The following TMEM117 variants were observed in gnomAD, a reference collection of about 807,000 sequenced individuals.
TMEM117 encodes transmembrane protein 117.
A neutral mutation model predicts 52.4 loss-of-function variants in TMEM117; 27 were observed. That is an observed-to-expected ratio of 0.51 (90% CI 0.38 to 0.71). The LOEUF is 0.71. Among genes scored for constraint, TMEM117 ranks in the 30% least tolerant of loss-of-function variants. The pLI, the probability that TMEM117 is intolerant of heterozygous loss-of-function variation, is 0.00. For synonymous variants in TMEM117, 215 were observed against 206.3 expected (o/e 1.04, Z -0.36); for missense variants, 556 against 630.5 (o/e 0.88, Z 1.26).
chr12:43,958,227 T>C (rs1945340485), intron 3 of TMEM117, among the ~76,000 whole-genome samples: 1 of 152,232 alleles, frequency 6.6e-6, no homozygotes, highest in Non-Finnish European at 1.5e-5. Context: ...TATTTTCATA[T>C]TATAATGATA....
chr12:44,039,566 T>G (rs1946765037), intron 3 of TMEM117, among the ~76,000 whole-genome samples: 1 of 151,978 alleles, frequency 6.6e-6, no homozygotes, highest in South Asian at 2.1e-4. Flanking sequence ...TAGATAAATT[T>G]GTGATAAAGT....
chr12:44,119,948 A>C (rs1332112391), intron 3 of TMEM117, among the ~76,000 whole-genome samples: 1 of 152,092 alleles, frequency 6.6e-6, no homozygotes, highest in Admixed American at 6.6e-5. Context: ...GAGTCTAGGA[A>C]GTAGTATCTT....
At chr12:43,940,216 ATCT>A (rs1159703189) in intron 2 of TMEM117, among the ~76,000 whole-genome samples, 2 of 152,198 alleles carry the variant, frequency 1.3e-5, no homozygotes, top group East Asian at 3.9e-4. Flanking sequence ...CCCTCGGTCT[ATCT>A]GATCCCTGCT....
intron 5 of TMEM117, among the ~76,000 whole-genome samples, chr12:44,276,397 A>C (rs1393653349): frequency 6.6e-6 from 1 of 152,204 alleles, no homozygotes; most frequent in African/African-American, 2.4e-5. Flanking sequence ...TAGGCACAGT[A>C]ATACAAATAC....
intron 2 of TMEM117, among the ~76,000 whole-genome samples, chr12:43,940,518 A>G (rs1051933041): frequency 6.6e-6 from 1 of 151,984 alleles, no homozygotes. Context: ...TCTATTTTCC[A>G]CAACATATGT....
chr12:44,089,750 C>T (rs944313351), intron 3 of TMEM117, among the ~76,000 whole-genome samples: 3 of 152,150 alleles, frequency 2.0e-5, no homozygotes, highest in Non-Finnish European at 4.4e-5. Context: ...TAACCTTTTA[C>T]AGTAGGGGAT....
intron 3 of TMEM117, among the ~76,000 whole-genome samples, chr12:43,971,245 C>G (rs896522059): frequency 2.0e-4 from 30 of 152,104 alleles, no homozygotes; most frequent in African/African-American, 7.2e-4. Flanking sequence ...CAACAATTGC[C>G]CTTCCTAGTT....
At chr12:44,243,425 A>G (rs1163381701) in intron 5 of TMEM117, among the ~76,000 whole-genome samples, 2 of 151,934 alleles carry the variant, frequency 1.3e-5, no homozygotes, top group Non-Finnish European at 2.9e-5. Context: ...TAAAAATTAG[A>G]TTAAATACTA....
chr12:43,827,185 C>T, the TMEM117 span, among the ~76,000 whole-genome samples: 3 of 151,930 alleles, frequency 2.0e-5, no homozygotes, highest in African/African-American at 7.3e-5. Context: ...ACCACCCTTT[C>T]TAAAATTGTC....
downstream of TMEM117, among the ~76,000 whole-genome samples, chr12:44,392,191 T>C (rs1377498222): frequency 6.6e-6 from 1 of 152,170 alleles, no homozygotes; most frequent in Non-Finnish European, 1.5e-5. Context: ...TTAGATGTAG[T>C]ATTTATAACT....
At chr12:44,235,086 A>G (rs969634423) in intron 5 of TMEM117, among the ~76,000 whole-genome samples, 2 of 151,548 alleles carry the variant, frequency 1.3e-5, no homozygotes, top group African/African-American at 4.8e-5. Flanking sequence ...TTTTCTTATT[A>G]TGCTAATAAT....
chr12:44,056,039 GC>G (rs1947049535), intron 3 of TMEM117, among the ~76,000 whole-genome samples: 1 of 152,114 alleles, frequency 6.6e-6, no homozygotes, highest in East Asian at 1.9e-4. Context: ...GTATATAGAT[GC>G]ATACGTATTT....
chr12:44,380,663 G>A (rs1252467064), intron 7 of TMEM117, among the ~76,000 whole-genome samples: 1 of 152,172 alleles, frequency 6.6e-6, no homozygotes, highest in Non-Finnish European at 1.5e-5. Context: ...GTTGTTGTGA[G>A]AATTAAATTA....
rs1301650197 is a variant in TMEM117, at chr12:43,910,605, C to T, written c.278-33605C>T. On this transcript the variant is annotated intron_variant, in intron 2 of 7. Transcript: ENST00000266534. ...GTGTATCTAGAAAACCCCGTTGTCT[C>T]AGCCCAAAATCTCCTTCAGCTGATA... Among the ~76,000 whole-genome samples, 3 of 151,880 alleles carry T rather than the reference C, an allele frequency of 2.0e-5. No individual in the cohort carries two copies. In the Admixed American group the frequency reaches 2.0e-4, roughly 10 times the overall value.
rs549848970 is a variant in TMEM117 at position 43,893,846 on chromosome 12, C to T, written c.277+48918C>T. On this transcript the variant is annotated intron_variant, in intron 2 of 7. Coordinates refer to ENST00000266534, the MANE Select transcript of TMEM117 (RefSeq NM_032256.3). ...ATACATGAAGGACTCGGGTGCGTGA[C>T]TCATCAGCTGAAGTAGCTGGGACTA... Among the ~76,000 whole-genome samples, 11 of 152,284 alleles carry T rather than the reference C, an allele frequency of 7.2e-5. No individual in the cohort carries two copies. The South Asian group carries it at 2.3e-3, about 32-fold the overall frequency.
In TMEM117 at chr12:44,033,905, A is replaced by G. The variant is rs116223145; in HGVS notation, c.410+89563A>G. 1.8e-3 allele frequency among the ~76,000 whole-genome samples: 276 copies of G among 152,362 alleles called. 1 individual carries two copies. The highest frequency in any genetic ancestry group is 6.4e-3 in the African/African-American group (266 of 41,582). ...AAGGTGCTGGTGATCTTTTCAGAGC[A>G]GAATCAAAGACCATTAATGAAGTTT... On this transcript the variant is annotated intron_variant, in intron 3 of 7. Coordinates refer to ENST00000266534, the MANE Select transcript of TMEM117 (RefSeq NM_032256.3).
chr12:44,270,978 T>C (rs1027665591), intron 5 of TMEM117, among the ~76,000 whole-genome samples: 5 of 152,172 alleles, frequency 3.3e-5, no homozygotes, highest in African/African-American at 1.2e-4. Context: ...AAAAGATCAC[T>C]TGTGTTTGTT....
At chr12:44,219,777 A>T (rs1488021756) in intron 5 of TMEM117, among the ~76,000 whole-genome samples, 1 of 152,160 alleles carries the variant, frequency 6.6e-6, no homozygotes, top group Non-Finnish European at 1.5e-5. Context: ...ACTCCTTGGA[A>T]AATAATGAGT....
chr12:44,391,229 A>C (rs1161097103), downstream of TMEM117, among the ~76,000 whole-genome samples: 1 of 152,198 alleles, frequency 6.6e-6, no homozygotes. Flanking sequence ...GTTGAAATGG[A>C]AAATTAAATA....
Sources: gnomAD v4.1 joint callset for allele counts (sites outside exome capture counted in the v4.1 genomes callset) on GRCh38, gnomAD v4.1.1 for gene constraint, MANE v1.5 for transcripts, NCBI Gene and HGNC (gene_info 2026-07-23, HGNC 2026-07-21) for gene names.